WASL: variants seen among roughly 807,000 people sequenced by gnomAD.
WASL encodes the protein WASP like actin nucleation promoting factor, also known as actin nucleation-promoting factor WASL.
A neutral mutation model predicts 55.5 loss-of-function variants in WASL; 20 were observed. The observed-to-expected ratio is 0.36, with a 90% confidence interval of 0.25 to 0.52. WASL has a LOEUF of 0.52. Ranked by LOEUF, WASL falls within the 20% of genes least tolerant of loss-of-function variation. The pLI is 0.92. For synonymous variants in WASL, 249 were observed against 217.6 expected, an observed-to-expected ratio of 1.14 and a Z score of -1.27; for missense variants, 504 against 622.5, an observed-to-expected ratio of 0.81 and a Z score of 2.03.
In WASL at chr7:123,683,740, TA is replaced by T. The variant is rs1467088496; in HGVS notation, c.*778del. The T allele has an allele frequency of 6.6e-6, 1 of 152,034 alleles. No individual in the cohort carries two copies. The highest frequency in any genetic ancestry group is 1.5e-5 in the Non-Finnish European group (1 of 67,946). 9.4% of individuals were successfully genotyped at this position (152,034 alleles called of 1,614,324 possible). A position where few individuals can be genotyped will look rare whatever the true frequency, so the allele number is the denominator to read the frequency against. On this transcript the variant is annotated 3_prime_UTR_variant, in exon 11 of 11. Coordinates refer to ENST00000223023, the MANE Select transcript of WASL (RefSeq NM_003941.4). ...TCCCTAAATCCCTGAAACTCCAACT[TA>T]AATTTTGTTTCAGAGTAATACCAAA... is the stretch of plus-strand genomic sequence containing the variant.
intron 2 of WASL, among the ~76,000 whole-genome samples, chr7:123,708,686 A>C (rs909761678): frequency 6.6e-6 from 1 of 152,154 alleles, no homozygotes; most frequent in South Asian, 2.1e-4. Context: ...CCTGGGCTAA[A>C]TAACAGTACA....
intron 7 of WASL, 58 bp downstream of exon 7, chr7:123,695,765 A>G: frequency 6.4e-7 from 1 of 1,551,492 alleles, no homozygotes; most frequent in Non-Finnish European, 8.8e-7. Flanking sequence ...AAAATCTAAA[A>G]TAGGCCAACA....
intron 5 of WASL, among the ~76,000 whole-genome samples, chr7:123,700,162 C>T (rs1275774503): frequency 1.1e-5 from 1 of 90,634 alleles, no homozygotes; most frequent in Non-Finnish European, 2.0e-5. Flanking sequence ...GGCAACAGAG[C>T]GAAACTCCGT....
intron 1 of WASL, among the ~76,000 whole-genome samples, chr7:123,724,519 T>A (rs994267423): frequency 1.2e-4 from 18 of 152,166 alleles, no homozygotes; most frequent in Non-Finnish European, 1.5e-5. Context: ...TAAGTTCCCA[T>A]GTAGGGTTTG....
intron 5 of WASL, among the ~76,000 whole-genome samples, chr7:123,703,513 T>C (rs899832595): frequency 6.6e-6 from 1 of 152,190 alleles, no homozygotes; most frequent in Non-Finnish European, 1.5e-5. Flanking sequence ...CTAAAAAGTA[T>C]TAATATTTCT....
chr7:123,697,025 A>G (rs1403491526), intron 5 of WASL, among the ~76,000 whole-genome samples: 1 of 152,096 alleles, frequency 6.6e-6, no homozygotes, highest in Non-Finnish European at 1.5e-5. Context: ...ATTTAAATAT[A>G]ATTAGTCTAA....
At chr7:123,689,251 G>A (rs1803354445) in intron 9 of WASL, 101 bp from the exon 10 acceptor site, 23 of 906,246 alleles carry the variant, frequency 2.5e-5, no homozygotes, top group East Asian at 2.5e-5. Context: ...TATTGTAAAA[G>A]ACAAAAAAGA....
At chr7:123,716,277 A>T (rs1473126357) in intron 1 of WASL, among the ~76,000 whole-genome samples, 2 of 152,064 alleles carry the variant, frequency 1.3e-5, no homozygotes, top group Non-Finnish European at 2.9e-5. Flanking sequence ...GTGCAATGGC[A>T]CGATCTTGGC....
chr7:123,688,342 G>A (rs1200081919), intron 10 of WASL, among the ~76,000 whole-genome samples: 3 of 151,638 alleles, frequency 2.0e-5, no homozygotes, highest in Non-Finnish European at 4.4e-5. Flanking sequence ...TAAATGGCCC[G>A]ATTTATTATT....
chr7:123,735,732 G>A (rs968716899), intron 1 of WASL, among the ~76,000 whole-genome samples: 4 of 151,978 alleles, frequency 2.6e-5, no homozygotes, highest in African/African-American at 9.7e-5. Context: ...ACTGCTATCC[G>A]AAAGAAACAC....
At chr7:123,687,192 T>A (rs912156379) in intron 10 of WASL, among the ~76,000 whole-genome samples, 1 of 152,110 alleles carries the variant, frequency 6.6e-6, no homozygotes, top group African/African-American at 2.4e-5. Context: ...ATTCAAAATA[T>A]AATTAATATT....
At chr7:123,726,592 G>A (rs900346599) in intron 1 of WASL, among the ~76,000 whole-genome samples, 2 of 152,204 alleles carry the variant, frequency 1.3e-5, no homozygotes, top group Non-Finnish European at 2.9e-5. Flanking sequence ...TTAGGGCCAG[G>A]TGTGGTGGCT....
At chr7:123,745,936 C>T (rs1233071764) in intron 1 of WASL, among the ~76,000 whole-genome samples, 1 of 152,178 alleles carries the variant, frequency 6.6e-6, no homozygotes, top group Non-Finnish European at 1.5e-5. Flanking sequence ...TCCCACCATT[C>T]TCTCCTTTAA....
rs1026933396 is a variant in WASL, at chr7:123,700,507, C to T, written c.461-3760G>A. 4.0e-5 allele frequency among the ~76,000 whole-genome samples: 6 copies of T among 151,510 alleles called. No individual in the cohort carries two copies. The East Asian group carries it at 1.2e-3, about 30-fold the overall frequency. ...CCAGGCTGGAGTGCAATGGCGCCAT[C>T]TCGGCTCACTGCAACCTTCACCTCC... On this transcript the variant is annotated intron_variant, in intron 5 of 10. Coordinates refer to ENST00000223023, the MANE Select transcript of WASL (RefSeq NM_003941.4).
intron 2 of WASL, 145 bp from the exon 3 acceptor site, chr7:123,706,971 T>C (rs1803682630): frequency 6.8e-6 from 3 of 440,748 alleles, no homozygotes; most frequent in East Asian, 3.7e-5. Flanking sequence ...AATATATAAA[T>C]AGTGTCACAT....
At chr7:123,736,949 T>C (rs1804243370) in intron 1 of WASL, among the ~76,000 whole-genome samples, 2 of 152,194 alleles carry the variant, frequency 1.3e-5, no homozygotes, top group Admixed American at 1.3e-4. Flanking sequence ...CTTATCAAAC[T>C]GTATCATCAT....
rs923529002 is a variant in WASL at position 123,748,498 on chromosome 7, G to A, written c.117+120C>T. 3.4e-5 allele frequency: 35 copies of A among 1,031,136 alleles called. No individual in the cohort carries two copies. In the East Asian group the frequency reaches 6.7e-4, roughly 20 times the overall value. 63.9% of individuals were successfully genotyped at this position (1,031,136 alleles called of 1,614,324 possible). A position where few individuals can be genotyped will look rare whatever the true frequency, so the allele number is the denominator to read the frequency against. On this transcript the variant is annotated intron_variant, in intron 1 of 10. Transcript: ENST00000223023. ...GACGAGGGGCCGGGGCCGGGGCCGG[G>A]GCTGGCGGGAGGCCTGGCCCGCGCC...
intron 1 of WASL, among the ~76,000 whole-genome samples, chr7:123,713,233 C>T (rs780861877): frequency 2.4e-4 from 37 of 152,120 alleles, no homozygotes; most frequent in Non-Finnish European, 5.9e-5. Flanking sequence ...ACCACAGCAT[C>T]AAGCCCCTAG....
At position 123,748,686 on chromosome 7, in the gene WASL, C is replaced by T. The variant is rs1224138688; in HGVS notation, c.49G>A (p.Val17Met). The change falls in exon 1 of 11, where the codon GTG becomes ATG. Residue 17 changes from valine (V) to methionine (M), a missense_variant. Val to Met is a conservative substitution (Grantham distance 21, BLOSUM62 1). Transcript: ENST00000223023. The stretch of plus-strand genomic sequence containing the variant: ...TGCGGGGTGAGCAACAGGGACCCCA[C>T]GTTGGTGACCCTCCGCGGCGGCGGC... Reference protein sequence around the residue: ...QPPPPRRVTNVGSLLLTPQEN... With the variant: ...QPPPPRRVTNMGSLLLTPQEN... 1.2e-6 allele frequency: 2 copies of T among 1,611,560 alleles called. No homozygotes were observed. The highest frequency in any genetic ancestry group is 1.6e-4 in the Middle Eastern group (1 of 6,080).
Sources: gnomAD v4.1 joint callset for allele counts (sites outside exome capture counted in the v4.1 genomes callset) on GRCh38, gnomAD v4.1.1 for gene constraint, MANE v1.5 for transcripts, NCBI Gene and HGNC (gene_info 2026-07-23, HGNC 2026-07-21) for gene names.